The following NRXN3 variants were observed in gnomAD, a reference collection of about 807,000 sequenced individuals.
NRXN3 encodes neurexin 3, also known as neurexin III.
In NRXN3, 32 loss-of-function variants were observed where a neutral mutation model predicts 137.6. The observed-to-expected ratio is 0.23, with a 90% confidence interval of 0.18 to 0.31. The LOEUF (loss-of-function observed/expected upper bound fraction) is 0.31. NRXN3 is among the 10% of genes least tolerant of loss of function. The pLI is 1.00. For synonymous variants in NRXN3, 798 were observed against 784.5 expected (o/e 1.02, Z -0.29); for missense variants, 1,574 against 2,062.5 (o/e 0.76, Z 4.59).
chr14:78,211,975 G>A (rs1212650423), intron 1 of NRXN3, among the ~76,000 whole-genome samples: 1 of 152,214 alleles, frequency 6.6e-6, no homozygotes, highest in Non-Finnish European at 1.5e-5. Context: ...GTCTGGGGGT[G>A]TCCTTTAGAA....
intron 15 of NRXN3, among the ~76,000 whole-genome samples, chr14:79,333,301 G>GT (rs1230206570): frequency 6.6e-6 from 1 of 152,080 alleles, no homozygotes; most frequent in Admixed American, 6.5e-5. Flanking sequence ...TCTCCCTTCA[G>GT]TGACTGCAAG....
chr14:79,810,176 G>A (rs1190722309), intron 20 of NRXN3, among the ~76,000 whole-genome samples: 1 of 151,974 alleles, frequency 6.6e-6, no homozygotes, highest in Non-Finnish European at 1.5e-5. Flanking sequence ...AGTCTTGGGG[G>A]CAGGAGGCCA....
intron 15 of NRXN3, among the ~76,000 whole-genome samples, chr14:79,393,615 C>A (rs1034589120): frequency 3.9e-5 from 6 of 152,204 alleles, no homozygotes; most frequent in East Asian, 3.9e-4. Flanking sequence ...AAGATCGAGA[C>A]CATCCTGGCT....
intron 2 of NRXN3, among the ~76,000 whole-genome samples, chr14:78,248,791 T>C (rs1474433638): frequency 6.6e-6 from 1 of 152,146 alleles, no homozygotes; most frequent in African/African-American, 2.4e-5. Context: ...TCTTCCCTGG[T>C]TTGGGAAGGA....
chr14:79,085,076 T>A (rs1352528515), intron 15 of NRXN3, among the ~76,000 whole-genome samples: 1 of 152,134 alleles, frequency 6.6e-6, no homozygotes, highest in East Asian at 1.9e-4. Flanking sequence ...GGAAACCTGG[T>A]TTCCTCTTTT....
chr14:78,270,772 A>G (rs960363099), intron 2 of NRXN3, among the ~76,000 whole-genome samples: 1 of 152,250 alleles, frequency 6.6e-6, no homozygotes, highest in African/African-American at 2.4e-5. Flanking sequence ...TAAATTAGGG[A>G]CAATCAGTTC....
intron 16 of NRXN3, among the ~76,000 whole-genome samples, chr14:79,589,789 C>T (rs1350617935): frequency 1.3e-5 from 2 of 152,084 alleles, no homozygotes; most frequent in Non-Finnish European, 2.9e-5. Flanking sequence ...AAATTGCTCA[C>T]TCTTAATGAG....
chr14:78,727,976 A>G (rs1381074342), intron 8 of NRXN3, among the ~76,000 whole-genome samples: 2 of 152,226 alleles, frequency 1.3e-5, no homozygotes, highest in Non-Finnish European at 2.9e-5. Context: ...AAAATCAACT[A>G]TTCCAGTGCT....
intron 5 of NRXN3, 116 bp from the exon 6 acceptor site, chr14:78,651,049 T>C: frequency 1.0e-6 from 1 of 985,104 alleles, no homozygotes; most frequent in South Asian, 1.7e-5. Context: ...AATTAGAAAG[T>C]ATATCTCATG....
intron 16 of NRXN3, among the ~76,000 whole-genome samples, chr14:79,571,193 T>A (rs995682361): frequency 6.6e-5 from 10 of 152,178 alleles, no homozygotes; most frequent in African/African-American, 1.9e-4. Flanking sequence ...TTAGGTACGC[T>A]GTGGCATGGC....
intron 10 of NRXN3, among the ~76,000 whole-genome samples, chr14:78,832,691 T>C (rs923055455): frequency 4.6e-5 from 7 of 152,178 alleles, no homozygotes; most frequent in Non-Finnish European, 1.0e-4. Flanking sequence ...GAATATTTCC[T>C]GCTAACTGTC....
chr14:79,711,778 G>A (rs1161933104), intron 19 of NRXN3, among the ~76,000 whole-genome samples: 1 of 152,206 alleles, frequency 6.6e-6, no homozygotes, highest in African/African-American at 2.4e-5. Context: ...CCAAGGTCAA[G>A]CCCCTTCCTG....
intron 4 of NRXN3, among the ~76,000 whole-genome samples, chr14:78,537,156 G>C (rs1307873326): frequency 1.3e-5 from 2 of 152,270 alleles, no homozygotes; most frequent in South Asian, 2.1e-4. Context: ...CATAATTCTA[G>C]TTCTAGATCC....
chr14:78,523,624 C>G (rs1349571345), intron 4 of NRXN3, among the ~76,000 whole-genome samples: 4 of 136,176 alleles, frequency 2.9e-5, no homozygotes, highest in Non-Finnish European at 4.7e-5. Flanking sequence ...ACGGTGAAAC[C>G]CCGTCTCTAC....
intron 3 of NRXN3, among the ~76,000 whole-genome samples, chr14:78,281,304 TC>T (rs1283944502): frequency 6.6e-6 from 1 of 152,246 alleles, no homozygotes; most frequent in Non-Finnish European, 1.5e-5. Context: ...GTTCTCTGAC[TC>T]TTTTTTCCTT....
At chr14:78,557,096 G>A (rs190820078) in intron 4 of NRXN3, among the ~76,000 whole-genome samples, 31 of 149,310 alleles carry the variant, frequency 2.1e-4, no homozygotes, top group Non-Finnish European at 4.0e-4. Context: ...TGCCACCCAG[G>A]CTGCAGTGCA....
chr14:79,823,624 C>T (rs1391217970), intron 20 of NRXN3, among the ~76,000 whole-genome samples: 1 of 152,090 alleles, frequency 6.6e-6, no homozygotes, highest in African/African-American at 2.4e-5. Flanking sequence ...GCATGTATTA[C>T]ATTTGTAATC....
At chr14:79,773,193 G>C (rs2099084873) in intron 19 of NRXN3, among the ~76,000 whole-genome samples, 1 of 152,186 alleles carries the variant, frequency 6.6e-6, no homozygotes, top group Non-Finnish European at 1.5e-5. Context: ...CTGTAAACTA[G>C]TTCAACCATT....
intron 5 of NRXN3, among the ~76,000 whole-genome samples, chr14:78,645,640 GA>G (rs59264204): frequency 0.26 from 37,671 of 143,094 alleles, 4,911 homozygotes; most frequent in Admixed American, 0.3. Flanking sequence ...TGTTATTTAA[GA>G]AAAAAAAAAA....
Sources: allele counts gnomAD v4.1 joint callset (sites outside exome capture counted in the v4.1 genomes callset), GRCh38; gene constraint gnomAD v4.1.1; transcripts MANE v1.5; gene names NCBI Gene and HGNC (gene_info 2026-07-23, HGNC 2026-07-21).